The following E2F3 variants were observed in gnomAD, a reference collection of about 807,000 sequenced individuals.
E2F3 encodes the protein E2F transcription factor 3.
A neutral mutation model predicts 44.4 loss-of-function variants in E2F3; 11 were observed. That is an observed-to-expected ratio of 0.25 (90% CI 0.16 to 0.41). The LOEUF (loss-of-function observed/expected upper bound fraction) is 0.41. Among genes scored for constraint, E2F3 ranks in the 10% least tolerant of loss-of-function variants. The pLI, the probability that E2F3 is intolerant of heterozygous loss-of-function variation, is 1.00. For missense variants in E2F3, 487 were observed against 583.6 expected, an observed-to-expected ratio of 0.83 and a Z score of 1.70; for synonymous variants, 249 against 253.0, an observed-to-expected ratio of 0.98 and a Z score of 0.15.
rs369133561 is a variant in E2F3 at position 20,406,096 on chromosome 6, C to A, written c.393+3471C>A. ...AAAAGTCTTCAGGTGGCCAGAGTTG[C>A]AGACCTATCTGGTTCTGATCCCAAG... On this transcript the variant is annotated intron_variant, in intron 1 of 6. Transcript: ENST00000346618. 6.3e-4 allele frequency among the ~76,000 whole-genome samples: 96 copies of A among 152,294 alleles called. 2 individuals carry two copies. Among genetic ancestry groups the A allele is most frequent in the African/African-American group, 2.0e-3 (84 of 41,566 alleles).
intron 1 of E2F3, among the ~76,000 whole-genome samples, chr6:20,436,402 T>C (rs991189425): frequency 3.9e-5 from 6 of 151,980 alleles, no homozygotes; most frequent in Non-Finnish European, 7.4e-5. Context: ...GAAGACTTCT[T>C]GGGCCACACA....
intron 1 of E2F3, among the ~76,000 whole-genome samples, chr6:20,462,969 C>A (rs914408625): frequency 5.1e-5 from 7 of 136,860 alleles, no homozygotes; most frequent in South Asian, 4.9e-4. Flanking sequence ...CACCTCAGCC[C>A]CCATTCACTC....
chr6:20,457,368 T>A (rs1324981347), intron 1 of E2F3, among the ~76,000 whole-genome samples: 2 of 148,636 alleles, frequency 1.3e-5, no homozygotes, highest in Non-Finnish European at 3.0e-5. Context: ...TTTTTTTTTT[T>A]AGTAGAGATG....
chr6:20,424,210 G>GGTATGTATGTGT (rs58738322), intron 1 of E2F3, among the ~76,000 whole-genome samples: 1 of 136,920 alleles, frequency 7.3e-6, no homozygotes, highest in African/African-American at 2.7e-5. Context: ...TCAGTGGAAG[G>GGTATGTATGTGT]GTGTGTGTGT....
chr6:20,439,320 A>G (rs1470583314), intron 1 of E2F3, among the ~76,000 whole-genome samples: 1 of 152,270 alleles, frequency 6.6e-6, no homozygotes, highest in East Asian at 1.9e-4. Flanking sequence ...ACTGAGTTCC[A>G]GAATGTAAAG....
intron 1 of E2F3, among the ~76,000 whole-genome samples, chr6:20,439,167 C>A (rs2127595881): frequency 6.6e-6 from 1 of 152,268 alleles, no homozygotes; most frequent in South Asian, 2.1e-4. Context: ...AATGGAAACT[C>A]CAGCTGTATA....
chr6:20,485,923 G>A (rs895342674), intron 4 of E2F3, among the ~76,000 whole-genome samples: 10 of 152,092 alleles, frequency 6.6e-5, no homozygotes, highest in African/African-American at 2.2e-4. Context: ...GTAGATAGAA[G>A]TAACTGGAGT....
Position 20,443,858 on chromosome 6 carries a change from A to C in E2F3, c.394-35988A>C, listed in dbSNP as rs184962930. ...TCTTCCGTCAAATTAAAAGTTAACT[A>C]TTGCATTTTATTTATTTTACCTTAA... On this transcript the variant is annotated intron_variant, in intron 1 of 6. Transcript: ENST00000346618. Among the ~76,000 whole-genome samples the C allele has an allele frequency of 2.9e-3, 444 of 152,240 alleles. 3 individuals are homozygous for C. The highest frequency in any genetic ancestry group is 3.5e-3 in the Non-Finnish European group (237 of 68,020).
chr6:20,478,606 C>T (rs558840895), intron 1 of E2F3, among the ~76,000 whole-genome samples: 9 of 152,264 alleles, frequency 5.9e-5, no homozygotes, highest in African/African-American at 1.9e-4. Context: ...ATCAGGACTT[C>T]GAGACCAGCC....
At chr6:20,447,601 T>A (rs1438123535) in intron 1 of E2F3, among the ~76,000 whole-genome samples, 3 of 151,966 alleles carry the variant, frequency 2.0e-5, no homozygotes, top group South Asian at 2.1e-4. Context: ...AGGGCCGAGA[T>A]GAAGCAGAGA....
intron 1 of E2F3, among the ~76,000 whole-genome samples, chr6:20,427,002 T>G (rs960541857): frequency 6.6e-6 from 1 of 152,186 alleles, no homozygotes; most frequent in Non-Finnish European, 1.5e-5. Flanking sequence ...AAACCACCTA[T>G]CCATACCTTC....
At chr6:20,477,982 A>G (rs2127618939) in intron 1 of E2F3, among the ~76,000 whole-genome samples, 1 of 152,140 alleles carries the variant, frequency 6.6e-6, no homozygotes, top group East Asian at 1.9e-4. Context: ...ACTTGAGCCC[A>G]AGAGTTCAAC....
intron 1 of E2F3, among the ~76,000 whole-genome samples, chr6:20,404,063 T>C (rs1759407878): frequency 6.6e-6 from 1 of 151,774 alleles, no homozygotes; most frequent in Non-Finnish European, 1.5e-5. Flanking sequence ...GGTATGGTGT[T>C]TACGTGGATT....
chr6:20,403,251 G>C (rs962425213), intron 1 of E2F3, among the ~76,000 whole-genome samples: 3 of 152,022 alleles, frequency 2.0e-5, no homozygotes, highest in Non-Finnish European at 4.4e-5. Context: ...TGGAAGCCGG[G>C]TGCGGACTGG....
intron 1 of E2F3, among the ~76,000 whole-genome samples, chr6:20,430,764 T>C (rs1760374301): frequency 6.6e-6 from 1 of 152,216 alleles, no homozygotes; most frequent in East Asian, 1.9e-4. Flanking sequence ...ACATGTTGAT[T>C]ATAAAAGAAT....
intron 4 of E2F3, among the ~76,000 whole-genome samples, chr6:20,485,712 A>G (rs78184696): frequency 6.6e-6 from 1 of 152,254 alleles, no homozygotes; most frequent in South Asian, 2.1e-4. Context: ...ACACTGAAAT[A>G]TTGATAGAGT....
chr6:20,403,689 TCCCTCTCCTCTCCCCACCCC>T, intron 1 of E2F3: 2 of 376,970 alleles, frequency 5.3e-6, no homozygotes, highest in Non-Finnish European at 4.8e-6. Context: ...ACCGCCACCC[TCCCTCTCCTCTCCCCACCCC>T]CCCACCGGCG....
chr6:20,441,713 C>G (rs1000005443), intron 1 of E2F3, among the ~76,000 whole-genome samples: 1 of 147,000 alleles, frequency 6.8e-6, no homozygotes. Flanking sequence ...TAGCTGAGAT[C>G]ACGCGTGGGT....
chr6:20,480,217 T>A (rs1047230298), intron 2 of E2F3, among the ~76,000 whole-genome samples: 1 of 152,220 alleles, frequency 6.6e-6, no homozygotes, highest in African/African-American at 2.4e-5. Context: ...TACGAACTTT[T>A]GGCACCATTC....
Sources: gnomAD v4.1 joint callset for allele counts (sites outside exome capture counted in the v4.1 genomes callset) on GRCh38, gnomAD v4.1.1 for gene constraint, MANE v1.5 for transcripts, NCBI Gene and HGNC (gene_info 2026-07-23, HGNC 2026-07-21) for gene names.